ACYP2: variants seen among roughly 807,000 people sequenced by gnomAD.
ACYP2 encodes acylphosphatase-2.
Under a neutral mutation model 11.2 loss-of-function variants are expected in ACYP2, and 12 were observed. The observed-to-expected ratio is 1.08, with a 90% confidence interval of 0.69 to 1.74. ACYP2 has a LOEUF of 1.74. ACYP2 is among the 40% of genes most tolerant of loss of function. The pLI is 0.00. For synonymous variants in ACYP2, 43 were observed against 32.2 expected (o/e 1.33, Z -1.13); for missense variants, 134 against 101.9 (o/e 1.31, Z -1.35).
chr2:54,123,429 T>C, intron 4 of ACYP2: 1 of 398,620 alleles, frequency 2.5e-6, no homozygotes, highest in Admixed American at 4.4e-5. Context: ...GACTACATCA[T>C]AGTCCTGTTT....
chr2:53,975,538 G>A (rs1018993838), intron 2 of ACYP2, among the ~76,000 whole-genome samples: 1 of 152,026 alleles, frequency 6.6e-6, no homozygotes, highest in Non-Finnish European at 1.5e-5. Context: ...ATAACAGCAC[G>A]TTATCCTTTT....
intron 4 of ACYP2, among the ~76,000 whole-genome samples, chr2:54,100,252 T>G (rs1029245306): frequency 6.6e-6 from 1 of 152,096 alleles, no homozygotes; most frequent in Admixed American, 6.6e-5. Context: ...GTGTTAGAAC[T>G]CCTATGCCAG....
chr2:54,099,078 A>T lies in ACYP2; in HGVS notation c.278-36375A>T, dbSNP rs145628084. Among the ~76,000 whole-genome samples, 440 of 152,258 alleles carry T rather than the reference A, an allele frequency of 2.9e-3. 1 individual carries two copies. The highest frequency in any genetic ancestry group is 0.014 in the Middle Eastern group (4 of 294). ...TCTATTTGGTGTTCCATCAACCAAGAGTTGAGGATGTTTGTGCTTGGATGG... is the reference window on the plus strand; with the variant it reads ...TCTATTTGGTGTTCCATCAACCAAGTGTTGAGGATGTTTGTGCTTGGATGG... On this transcript the variant is annotated intron_variant, in intron 4 of 6. Coordinates refer to ENST00000607452, the MANE Select transcript of ACYP2 (RefSeq NM_001320586.2).
chr2:54,218,341 A>G (rs1685644571), intron 6 of ACYP2, among the ~76,000 whole-genome samples: 1 of 152,200 alleles, frequency 6.6e-6, no homozygotes, highest in Non-Finnish European at 1.5e-5. Flanking sequence ...GGTGTGCTAC[A>G]TATATATTGT....
At chr2:54,190,904 G>A (rs1384361933) in intron 6 of ACYP2, among the ~76,000 whole-genome samples, 1 of 152,116 alleles carries the variant, frequency 6.6e-6, no homozygotes. Flanking sequence ...ATGCCTATAT[G>A]AGCAAAAGTC....
At chr2:54,214,599 G>A (rs1315592763) in intron 6 of ACYP2, among the ~76,000 whole-genome samples, 1 of 152,184 alleles carries the variant, frequency 6.6e-6, no homozygotes, top group Non-Finnish European at 1.5e-5. Context: ...ATTGGTCTAT[G>A]TGTCTGTTTT....
intron 6 of ACYP2, among the ~76,000 whole-genome samples, chr2:54,286,461 G>A (rs149382742): frequency 2.6e-5 from 4 of 152,132 alleles, no homozygotes; most frequent in Admixed American, 2.0e-4. Context: ...GGGACTCTCT[G>A]TAAACTACCT....
chr2:53,987,407 G>A (rs985280293), intron 2 of ACYP2, among the ~76,000 whole-genome samples: 1 of 151,678 alleles, frequency 6.6e-6, no homozygotes, highest in Non-Finnish European at 1.5e-5. Context: ...CAAAGTGTAG[G>A]CTCCTAATTC....
chr2:54,050,420 G>A (rs140169961), intron 2 of ACYP2, among the ~76,000 whole-genome samples: 7 of 151,724 alleles, frequency 4.6e-5, no homozygotes, highest in East Asian at 1.9e-4. Flanking sequence ...GTGGTGGCAC[G>A]TGCCTGTAGT....
intron 4 of ACYP2, among the ~76,000 whole-genome samples, chr2:54,121,124 G>A (rs576818210): frequency 3.3e-5 from 5 of 152,302 alleles, no homozygotes; most frequent in East Asian, 1.9e-4. Flanking sequence ...AATGAGGTAC[G>A]CGGACACTGG....
At chr2:54,108,089 ACAGT>A (rs1249924301) in intron 4 of ACYP2, among the ~76,000 whole-genome samples, 1 of 152,172 alleles carries the variant, frequency 6.6e-6, no homozygotes, top group Non-Finnish European at 1.5e-5. Context: ...AAGCCAGTGA[ACAGT>A]CAGTTAACAA....
intron 6 of ACYP2, among the ~76,000 whole-genome samples, chr2:54,173,412 GT>G (rs1332256447): frequency 6.6e-6 from 1 of 152,010 alleles, no homozygotes. Flanking sequence ...TTGTAAATTT[GT>G]TTGAGTTCTT....
At chr2:54,198,624 T>TA (rs35334336) in intron 6 of ACYP2, among the ~76,000 whole-genome samples, 88,734 of 152,020 alleles carry the variant, frequency 0.58, 26,324 homozygotes, top group African/African-American at 0.69. Flanking sequence ...AATTAAAGCT[T>TA]AAAATATTAG....
At chr2:54,219,753 G>A (rs958920622) in intron 6 of ACYP2, among the ~76,000 whole-genome samples, 1 of 151,260 alleles carries the variant, frequency 6.6e-6, no homozygotes, top group Non-Finnish European at 1.5e-5. Context: ...CAAGTGGCTG[G>A]GATTACAGGT....
chr2:54,010,602 A>T (rs1429971624), intron 2 of ACYP2, among the ~76,000 whole-genome samples: 2 of 151,982 alleles, frequency 1.3e-5, no homozygotes, highest in East Asian at 1.9e-4. Flanking sequence ...CCCCATAAAA[A>T]TTTTTTTTAA....
At chr2:54,186,965 T>C (rs1008922092) in intron 6 of ACYP2, among the ~76,000 whole-genome samples, 1 of 152,142 alleles carries the variant, frequency 6.6e-6, no homozygotes, top group Non-Finnish European at 1.5e-5. Context: ...TACTGCACCA[T>C]GGAAGGAAGA....
intron 6 of ACYP2, among the ~76,000 whole-genome samples, chr2:54,262,345 A>G (rs1451133707): frequency 2.6e-5 from 4 of 152,264 alleles, no homozygotes; most frequent in Non-Finnish European, 5.9e-5. Flanking sequence ...TTCAGAATTC[A>G]GGAAATACAA....
chr2:54,261,730 C>G (rs750997909), intron 6 of ACYP2, among the ~76,000 whole-genome samples: 7 of 152,168 alleles, frequency 4.6e-5, no homozygotes, highest in Non-Finnish European at 1.0e-4. Flanking sequence ...TTTCTTAGAA[C>G]TAGGCCACCC....
At chr2:54,250,545 G>A (rs1250253600) in intron 6 of ACYP2, among the ~76,000 whole-genome samples, 1 of 152,164 alleles carries the variant, frequency 6.6e-6, no homozygotes, top group Non-Finnish European at 1.5e-5. Flanking sequence ...AGAAAATTGT[G>A]CCACTGGAAA....
Sources: allele counts gnomAD v4.1 joint callset (sites outside exome capture counted in the v4.1 genomes callset), GRCh38; gene constraint gnomAD v4.1.1; transcripts MANE v1.5; gene names NCBI Gene and HGNC (gene_info 2026-07-23, HGNC 2026-07-21).